Variants in TM2D2 observed in about 807,000 individuals in gnomAD.
TM2D2 encodes the protein TM2 domain-containing protein 2.
Under a neutral mutation model 23.0 loss-of-function variants are expected in TM2D2, and 19 were observed. The ratio of observed to expected loss-of-function variants is 0.82; its 90% CI spans 0.58 to 1.21. The LOEUF is 1.21. Ranked by LOEUF, TM2D2 falls within the 50% of genes most tolerant of loss-of-function variation. TM2D2 has a pLI of 0.00. For synonymous variants in TM2D2, 120 were observed against 108.8 expected (o/e 1.10, Z -0.64); for missense variants, 246 against 265.4 (o/e 0.93, Z 0.51).
Position 38,994,593 on chromosome 8 carries a change from C to A in TM2D2, c.315+725G>T, listed in dbSNP as rs533801140. Among the ~76,000 whole-genome samples the A allele has an allele frequency of 1.5e-3, 221 of 152,266 alleles. 1 individual carries two copies. Among genetic ancestry groups the A allele is most frequent in the African/African-American group, 5.2e-3 (214 of 41,550 alleles). On this transcript the variant is annotated intron_variant, in intron 2 of 3. Coordinates refer to ENST00000456397, the MANE Select transcript of TM2D2 (RefSeq NM_078473.3). ...CCTCTGTGTCTGATTTAGTACAAAA[C>A]ATGCCTTCCCATCATTCTCTTAACA...
chr8:38,993,509 C>A (rs1338489774), intron 3 of TM2D2, 36 bp downstream of exon 3: 1 of 1,508,242 alleles, frequency 6.6e-7, no homozygotes, highest in East Asian at 2.3e-5. Flanking sequence ...CTACCTCCAA[C>A]CAAGTACCAA....
intron 3 of TM2D2, among the ~76,000 whole-genome samples, chr8:38,991,970 G>A (rs949887278): frequency 6.6e-6 from 1 of 152,112 alleles, no homozygotes. Context: ...TTGGACCTGA[G>A]AAGACTAAGG....
At chr8:38,996,570 G>T, upstream of TM2D2, 1 of 1,476,126 alleles carries the variant, frequency 6.8e-7, no homozygotes, top group African/African-American at 1.4e-5. Flanking sequence ...GCCAATGGAC[G>T]CGCAGCTCGA....
Position 38,990,954 on chromosome 8 carries a change from C to T in TM2D2, c.*378G>A, listed in dbSNP as rs1210715982. 1 of 221,132 alleles carries T rather than the reference C, an allele frequency of 4.5e-6. No homozygotes were observed. Among genetic ancestry groups the T allele is most frequent in the Non-Finnish European group, 9.0e-6 (1 of 110,640 alleles). The allele number at this position is 221,132 out of a possible 1,614,324, so 13.7% of individuals were successfully genotyped here. The stretch of plus-strand genomic sequence containing the variant: ...TGAAGACTCAGGGTCACAAGAGGAA[C>T]ATGGATCCAAATATTCATTTTGCTC... On this transcript the variant is annotated 3_prime_UTR_variant, in exon 4 of 4. Transcript: ENST00000456397.
Position 38,989,134 on chromosome 8 carries a change from C to T in TM2D2, c.*2198G>A, listed in dbSNP as rs1302816809. 1 of 152,186 alleles carries T rather than the reference C, an allele frequency of 6.6e-6. No individual in the cohort carries two copies. The highest frequency in any genetic ancestry group is 6.5e-5 in the Admixed American group (1 of 15,278). 9.4% of individuals were successfully genotyped at this position (152,186 alleles called of 1,614,324 possible). On this transcript the variant is annotated 3_prime_UTR_variant, in exon 4 of 4. Coordinates refer to ENST00000456397, the MANE Select transcript of TM2D2 (RefSeq NM_078473.3). The stretch of plus-strand genomic sequence containing the variant: ...GAAAACCAGTAATTTTGGATTGTCA[C>T]ATAGGAATACTGATGATTCTCAAAT...
At chr8:38,996,107 C>A in intron 1 of TM2D2, 106 bp downstream of exon 1, 3 of 1,328,140 alleles carry the variant, frequency 2.3e-6, no homozygotes, top group South Asian at 1.5e-5. Context: ...CTCAGAGAGG[C>A]AGGGTCTGAA....
chr8:38,989,682 T>TA lies in TM2D2; in HGVS notation c.*1649dup, dbSNP rs1476046527. The TA allele has an allele frequency of 6.6e-6, 1 of 152,220 alleles. No homozygotes were observed. Among genetic ancestry groups the TA allele is most frequent in the South Asian group, 2.1e-4 (1 of 4,832 alleles). The allele number at this position is 152,220 out of a possible 1,614,324, so 9.4% of individuals were successfully genotyped here. A position where few individuals can be genotyped will look rare whatever the true frequency, so the allele number is the denominator to read the frequency against. ...AGGGTTATGAATATACTTAGGAGGT[T>TA]AAAGTGTGAAATGAGGCAGGACTTG... On this transcript the variant is annotated 3_prime_UTR_variant, in exon 4 of 4. Coordinates refer to ENST00000456397, the MANE Select transcript of TM2D2 (RefSeq NM_078473.3).
chr8:38,994,197 T>C (rs1288462678), intron 2 of TM2D2, among the ~76,000 whole-genome samples: 1 of 152,182 alleles, frequency 6.6e-6, no homozygotes, highest in East Asian at 1.9e-4. Flanking sequence ...TAAATGTGTA[T>C]TACCTGATAT....
rs939028921 is a variant in TM2D2, at chr8:38,989,429, G to C, written c.*1903C>G. 6.6e-6 allele frequency: 1 copy of C among 152,238 alleles called. No homozygotes were observed. Among genetic ancestry groups the C allele is most frequent in the African/African-American group, 2.4e-5 (1 of 41,416 alleles). The allele number at this position is 152,238 out of a possible 1,614,324, so 9.4% of individuals were successfully genotyped here. On this transcript the variant is annotated 3_prime_UTR_variant, in exon 4 of 4. Coordinates refer to ENST00000456397, the MANE Select transcript of TM2D2 (RefSeq NM_078473.3). ...TGATTCTCTTACCTCAGCCTCCCGA[G>C]TAGCTGGGATTACAGGTGCACGCCA...
intron 1 of TM2D2, 151 bp downstream of exon 1, chr8:38,996,062 G>A (rs1053520047): frequency 3.1e-6 from 3 of 980,542 alleles, no homozygotes; most frequent in Non-Finnish European, 4.4e-6. Context: ...CGGGCTGTGA[G>A]AAACCTGGTT....
upstream of TM2D2, chr8:38,996,916 T>C (rs1275727253): frequency 1.4e-6 from 2 of 1,446,792 alleles, no homozygotes; most frequent in African/African-American, 1.4e-5. Flanking sequence ...GTTGCGTCAG[T>C]GCCGCGCGCG....
At chr8:38,994,386 AAGAATGCTTAC>A (rs1331664616) in intron 2 of TM2D2, among the ~76,000 whole-genome samples, 2 of 152,212 alleles carry the variant, frequency 1.3e-5, no homozygotes, top group Admixed American at 1.3e-4. Context: ...ACTGGGAAAT[AAGAATGCTTAC>A]AGGATAAACT....
chr8:38,993,610 A>G lies in TM2D2; in HGVS notation c.366T>C (p.His122=). Residue 122 remains histidine, a synonymous_variant, in exon 3 of 4, where the codon CAT becomes CAC. Transcript: ENST00000456397. ...TGGCACACTCAATTCCATCTAAGGC[A>G]TGGCACTGGACTGAAGTGTGTTCCA... ...SDVEHTSVQC[H]ALDGIECASP... 1 of 1,614,068 alleles carries G rather than the reference A, an allele frequency of 6.2e-7. No individual in the cohort carries two copies.
At chr8:38,993,448 C>T (rs757657757) in intron 3 of TM2D2, 97 bp downstream of exon 3, 12 of 851,852 alleles carry the variant, frequency 1.4e-5, no homozygotes, top group Non-Finnish European at 2.1e-5. Flanking sequence ...AGAGTGAGAC[C>T]CTGTCTCTTA....
At chr8:38,995,512 C>A in intron 1 of TM2D2, 107 bp from the exon 2 acceptor site, 1 of 1,573,006 alleles carries the variant, frequency 6.4e-7, no homozygotes, top group Non-Finnish European at 8.6e-7. Flanking sequence ...ATCAAGTTTT[C>A]TGGGGTTCGG....
chr8:38,996,654 G>C (rs1835813553), upstream of TM2D2: 1 of 1,429,934 alleles, frequency 7.0e-7, no homozygotes, highest in African/African-American at 1.4e-5. Context: ...CTCTGCTTCT[G>C]CTTCTCGATT....
In TM2D2 at chr8:38,995,391, A is replaced by G; in HGVS notation, c.242T>C (p.Ile81Thr). Residue 81 changes from isoleucine to threonine, a missense_variant, in exon 2 of 4, where the codon ATA becomes ACA. Ile to Thr is a moderately conservative substitution (Grantham distance 89). This residue lies in a region of TM2D2 where 212 missense variants were observed against 202.2 expected (regional missense o/e 1.05). Coordinates refer to ENST00000456397, the MANE Select transcript of TM2D2 (RefSeq NM_078473.3). Reference protein sequence around the residue: ...ILCSYLPDEFIECEDPVDHVG... With the variant: ...ILCSYLPDEFTECEDPVDHVG... ...ATGATCCACTGGGTCTTCACATTCT[A>G]TAAATTCATCAGGTCTGTAATTCAC... 1 of 1,612,664 alleles carries G rather than the reference A, an allele frequency of 6.2e-7. No individual in the cohort carries two copies. The highest frequency in any genetic ancestry group is 8.5e-7 in the Non-Finnish European group (1 of 1,179,566).
intron 3 of TM2D2, among the ~76,000 whole-genome samples, chr8:38,992,788 A>G (rs1042370251): frequency 6.6e-6 from 1 of 152,096 alleles, no homozygotes; most frequent in East Asian, 1.9e-4. Flanking sequence ...CTGTTCTTAA[A>G]TGAACACTTG....
chr8:38,996,037 A>C (rs752160888), intron 1 of TM2D2, among the ~76,000 whole-genome samples, 176 bp downstream of exon 1: 4 of 152,150 alleles, frequency 2.6e-5, no homozygotes, highest in Non-Finnish European at 4.4e-5. Flanking sequence ...CTGACACACA[A>C]GAGTTTTCTC....
Sources: gnomAD v4.1 joint callset for allele counts (sites outside exome capture counted in the v4.1 genomes callset) on GRCh38, gnomAD v4.1.1 for gene constraint, gnomAD v4.1.1 regional missense constraint, MANE v1.5 for transcripts, NCBI Gene and HGNC (gene_info 2026-07-23, HGNC 2026-07-21) for gene names.